Variants in TGFBI observed in about 807,000 individuals in gnomAD.
TGFBI encodes transforming growth factor beta induced, also known as transforming growth factor-beta-induced protein ig-h3.
In TGFBI, 50 loss-of-function variants were observed where a neutral mutation model predicts 73.7. The ratio of observed to expected loss-of-function variants is 0.68; its 90% CI spans 0.54 to 0.86. The LOEUF is 0.86. TGFBI is among the 40% of genes least tolerant of loss of function. The probability of loss-of-function intolerance (pLI) is 0.00; values close to 1 mark genes in which losing one functional copy is unlikely to be tolerated. For synonymous variants in TGFBI, 362 were observed against 360.5 expected, an observed-to-expected ratio of 1.00 and a Z score of -0.05; for missense variants, 839 against 877.0, an observed-to-expected ratio of 0.96 and a Z score of 0.55.
In TGFBI at chr5:136,053,115, C is replaced by T. The variant is rs1375314164; in HGVS notation, c.1122C>T (p.Asp374=). Residue 374 remains aspartate, a synonymous_variant, in exon 8 of 17, where the codon GAC becomes GAT. Transcript: ENST00000442011. The stretch of plus-strand genomic sequence containing the variant: ...ACATTGATGAGCTACTCATCCCAGA[C>T]TCAGGTAGGCCAGGCCTCCGGGGGC... ...IHYIDELLIP[D]SAKTLFELAA... 9 of 1,613,740 alleles carry T rather than the reference C, an allele frequency of 5.6e-6. No homozygotes were observed. The highest frequency in any genetic ancestry group is 2.7e-5 in the African/African-American group (2 of 74,940).
chr5:136,045,483 T>G (rs893931175), intron 3 of TGFBI, among the ~76,000 whole-genome samples: 2 of 152,080 alleles, frequency 1.3e-5, no homozygotes, highest in Non-Finnish European at 2.9e-5. Flanking sequence ...AGGCGGAGGT[T>G]GCAGTGAGCT....
In TGFBI at chr5:136,054,721, AC is replaced by A; in HGVS notation, c.1274del (p.Pro425LeufsTer15). 1 of 1,613,930 alleles carries A rather than the reference AC, an allele frequency of 6.2e-7. No homozygotes were observed. The highest frequency in any genetic ancestry group is 8.5e-7 in the Non-Finnish European group (1 of 1,179,866). ...APLNSVFKDG[T>X]PPIDAHTRNL... is the part of the protein sequence containing the mutation. ...ACCATCACCCTTTCTTGTAGATGGA[AC>A]CCCTCCAATTGATGCCCATACAAGG... On this transcript the variant is annotated frameshift_variant, in exon 10 of 17. Transcript: ENST00000442011. LOFTEE classifies it high-confidence loss of function.
chr5:136,046,229 C>T (rs1328670557), intron 3 of TGFBI, 106 bp from the exon 4 acceptor site: 12 of 1,379,966 alleles, frequency 8.7e-6, no homozygotes, highest in East Asian at 4.7e-5. Flanking sequence ...CATGCCTCCT[C>T]GTCCTCTCCA....
At chr5:136,037,910 A>G (rs1337176991) in intron 2 of TGFBI, among the ~76,000 whole-genome samples, 3 of 152,146 alleles carry the variant, frequency 2.0e-5, no homozygotes, top group Non-Finnish European at 4.4e-5. Context: ...GGTGAAGAAG[A>G]GCTGTCGTTT....
At chr5:136,048,519 G>A (rs1189463286) in intron 6 of TGFBI, 1 of 152,276 alleles carries the variant, frequency 6.6e-6, no homozygotes, top group Non-Finnish European at 1.5e-5. Context: ...TACTCTATCT[G>A]GAGAGAGACA....
intron 2 of TGFBI, among the ~76,000 whole-genome samples, chr5:136,043,635 G>A (rs2126907560): frequency 6.6e-6 from 1 of 152,340 alleles, no homozygotes; most frequent in South Asian, 2.1e-4. Flanking sequence ...GCTGAGGATG[G>A]CCCAGCTGGT....
intron 2 of TGFBI, among the ~76,000 whole-genome samples, chr5:136,043,177 G>A (rs1349364924): frequency 6.6e-6 from 1 of 152,206 alleles, no homozygotes; most frequent in African/African-American, 2.4e-5. Context: ...GTAGCCTTCA[G>A]CAGAACCTGG....
chr5:136,034,086 G>A (rs1751173708), intron 2 of TGFBI, among the ~76,000 whole-genome samples: 1 of 152,082 alleles, frequency 6.6e-6, no homozygotes, highest in Non-Finnish European at 1.5e-5. Flanking sequence ...CATTTTTCAG[G>A]GCTGGTTTGG....
At chr5:136,033,926 T>C (rs528192594) in intron 2 of TGFBI, 65 bp downstream of exon 2, 1 of 1,361,728 alleles carries the variant, frequency 7.3e-7, no homozygotes, top group African/African-American at 1.4e-5. Flanking sequence ...CCCCAGGGCC[T>C]GGGCCAGCCT....
chr5:136,030,297 G>A (rs1172827330), intron 1 of TGFBI, among the ~76,000 whole-genome samples: 1 of 152,238 alleles, frequency 6.6e-6, no homozygotes, highest in Admixed American at 6.5e-5. Flanking sequence ...GGGTGATAGA[G>A]TTGACTTCAC....
In TGFBI at chr5:136,063,181, T is replaced by C. The variant is rs147650812; in HGVS notation, c.2012-5T>C. 6.4e-3 allele frequency: 10,390 copies of C among 1,613,436 alleles called. 37 individuals are homozygous for C. The highest frequency in any genetic ancestry group is 8.1e-3 in the Non-Finnish European group (9,516 of 1,179,398). ...TATTTGACGTTACCAACTTCTCTTT[T>C]TCAGCCCCTGTCTATCAAAAGTTAT... On this transcript the variant is annotated splice_polypyrimidine_tract_variant and splice_region_variant and intron_variant, in intron 16 of 16. Transcript: ENST00000442011.
intron 12 of TGFBI, among the ~76,000 whole-genome samples, chr5:136,058,547 G>A (rs895453900): frequency 1.3e-5 from 2 of 152,154 alleles, no homozygotes; most frequent in African/African-American, 4.8e-5. Context: ...GACCTCATCG[G>A]CTCCATGGCT....
intron 15 of TGFBI, among the ~76,000 whole-genome samples, chr5:136,062,083 C>G (rs960348028): frequency 2.0e-5 from 3 of 152,022 alleles, no homozygotes; most frequent in African/African-American, 7.2e-5. Context: ...CCAGCCCCAC[C>G]TCCCTCTCAA....
intron 16 of TGFBI, 71 bp downstream of exon 16, chr5:136,062,758 C>T: frequency 1.4e-6 from 2 of 1,473,442 alleles, no homozygotes; most frequent in Non-Finnish European, 1.9e-6. Context: ...CCCAAGCCTG[C>T]CATCTGCTGT....
Position 136,029,200 on chromosome 5 carries a change from C to A in TGFBI, c.134+11C>A. 2.7e-6 allele frequency: 4 copies of A among 1,474,476 alleles called. No individual in the cohort carries two copies. The highest frequency in any genetic ancestry group is 3.6e-6 in the Non-Finnish European group (4 of 1,117,810). 91.3% of individuals were successfully genotyped at this position (1,474,476 alleles called of 1,614,324 possible). ...GGGCCGCCAGCACGGGTAAGCCGAGCCGCCTGGCCAGGGGCTGCGGAAGGT... is the reference window on the plus strand; with the variant it reads ...GGGCCGCCAGCACGGGTAAGCCGAGACGCCTGGCCAGGGGCTGCGGAAGGT... On this transcript the variant is annotated intron_variant, in intron 1 of 16. Coordinates refer to ENST00000442011, the MANE Select transcript of TGFBI (RefSeq NM_000358.3).
chr5:136,059,287 G>C, intron 13 of TGFBI, 73 bp downstream of exon 13: 1 of 1,568,252 alleles, frequency 6.4e-7, no homozygotes, highest in Non-Finnish European at 8.6e-7. Context: ...TCACCCCCAG[G>C]ATGGAATTAT....
chr5:136,054,074 T>G lies in TGFBI; in HGVS notation c.1258T>G (p.Phe420Val). The part of the protein sequence containing the change: ...LTLLAPLNSV[F>V]KDGTPPIDAH... The stretch of plus-strand genomic sequence containing the variant: ...CCTCCTGGCTCCCCTGAATTCTGTA[T>G]TCAAAGGTAACATGGGGAAGGCATC... Residue 420 changes from phenylalanine (F) to valine (V), a missense_variant, in exon 9 of 17, where the codon TTC becomes GTC. Physicochemically the swap from Phe to Val is conservative, Grantham distance 50 (BLOSUM62 -1). Coordinates refer to ENST00000442011, the MANE Select transcript of TGFBI (RefSeq NM_000358.3). 1 of 1,612,808 alleles carries G rather than the reference T, an allele frequency of 6.2e-7. No individual in the cohort carries two copies. Among genetic ancestry groups the G allele is most frequent in the Non-Finnish European group, 8.5e-7 (1 of 1,178,904 alleles).
At chr5:136,060,497 G>A (rs919166471) in intron 13 of TGFBI, among the ~76,000 whole-genome samples, 6 of 152,298 alleles carry the variant, frequency 3.9e-5, no homozygotes, top group South Asian at 4.1e-4. Flanking sequence ...GATCATCTGA[G>A]GTCAGGAGTT....
At chr5:136,050,445 G>C (rs2126911431) in intron 7 of TGFBI, among the ~76,000 whole-genome samples, 1 of 152,076 alleles carries the variant, frequency 6.6e-6, no homozygotes, top group East Asian at 1.9e-4. Context: ...GATTATTGCT[G>C]CAGGAGAGGG....
Sources: allele counts gnomAD v4.1 joint callset (sites outside exome capture counted in the v4.1 genomes callset), GRCh38; gene constraint gnomAD v4.1.1; transcripts MANE v1.5; gene names NCBI Gene and HGNC (gene_info 2026-07-23, HGNC 2026-07-21).